Variants in CTNNA2 observed in about 807,000 individuals in gnomAD.
The protein encoded by CTNNA2 is catenin alpha 2.
In CTNNA2, 42 loss-of-function variants were observed where a neutral mutation model predicts 101.0. The observed-to-expected ratio is 0.42, with a 90% CI of 0.32 to 0.54. The LOEUF is 0.54. Among genes scored for constraint, CTNNA2 ranks in the 20% least tolerant of loss-of-function variants. The pLI is 0.14. For synonymous variants in CTNNA2, 450 were observed against 456.4 expected (o/e 0.99, Z 0.18); for missense variants, 871 against 1,223.1 (o/e 0.71, Z 4.29).
At chr2:79,215,430 C>G (rs1674242056) in intron 2 of CTNNA2, among the ~76,000 whole-genome samples, 1 of 152,130 alleles carries the variant, frequency 6.6e-6, no homozygotes, top group East Asian at 1.9e-4. Flanking sequence ...TTGGCTGCCT[C>G]TAGTCTATTA....
intron 7 of CTNNA2, among the ~76,000 whole-genome samples, chr2:80,054,191 A>G (rs11691720): frequency 0.24 from 36,157 of 151,932 alleles, 4,590 homozygotes; most frequent in Non-Finnish European, 0.27. Flanking sequence ...CTTGCTGGCT[A>G]TGTCCTAAGT....
At chr2:79,843,254 CT>C in intron 3 of CTNNA2, among the ~76,000 whole-genome samples, 1 of 152,302 alleles carries the variant, frequency 6.6e-6, no homozygotes, top group East Asian at 1.9e-4. Flanking sequence ...TGAAAGGATT[CT>C]TTAACTTGGA....
At chr2:79,982,358 C>CTATATAACA (rs70940066) in intron 7 of CTNNA2, among the ~76,000 whole-genome samples, 57,293 of 132,254 alleles carry the variant, frequency 0.43, 13,106 homozygotes, top group Non-Finnish European at 0.51. Flanking sequence ...CCTATATAAC[C>CTATATAACA]TATATAACAT....
chr2:79,666,617 G>C (rs1241610352), intron 2 of CTNNA2, among the ~76,000 whole-genome samples: 2 of 152,152 alleles, frequency 1.3e-5, no homozygotes, highest in Non-Finnish European at 2.9e-5. Flanking sequence ...TACGGATGGT[G>C]CTTGATAAGT....
intron 3 of CTNNA2, among the ~76,000 whole-genome samples, chr2:79,752,322 G>A (rs921578542): frequency 3.9e-5 from 6 of 152,198 alleles, no homozygotes. Flanking sequence ...GTTTCTTAAA[G>A]GAGATAGTGA....
At chr2:79,434,503 T>A (rs934574106) in intron 4 of CTNNA2, among the ~76,000 whole-genome samples, 9 of 152,176 alleles carry the variant, frequency 5.9e-5, no homozygotes, top group Non-Finnish European at 1.0e-4. Context: ...TTGATCAATA[T>A]TATTCCTAAT....
chr2:80,114,379 A>G (rs897972074), intron 7 of CTNNA2, among the ~76,000 whole-genome samples: 3 of 152,240 alleles, frequency 2.0e-5, no homozygotes, highest in Non-Finnish European at 4.4e-5. Context: ...TTAAAACATG[A>G]AAACACAGGT....
chr2:79,886,323 T>C (rs946592832), intron 6 of CTNNA2, among the ~76,000 whole-genome samples: 7 of 152,004 alleles, frequency 4.6e-5, no homozygotes, highest in Admixed American at 3.3e-4. Context: ...CATAAAGTGA[T>C]TATTTCTGGG....
In CTNNA2 at chr2:80,303,762, C is replaced by T. The variant is rs1341004953; in HGVS notation, c.1057-89449C>T. On this transcript the variant is annotated intron_variant, in intron 7 of 18. Transcript: ENST00000402739. This position sits in a 1 kb window ranked among gnomAD's most constrained non-coding sequence, Gnocchi z 7.7. ...CAGGCCCCCAGCAGACACAAGACCA[C>T]CCCCGAGGGCCTCCTCAGCAGCCAG... is the stretch of plus-strand genomic sequence containing the variant. 5 of 1,571,058 alleles carry T rather than the reference C, an allele frequency of 3.2e-6. No homozygotes were observed. The highest frequency in any genetic ancestry group is 4.3e-6 in the Non-Finnish European group (5 of 1,159,876).
At position 79,627,457 on chromosome 2, in the gene CTNNA2, C is replaced by A. The variant is rs537329510; in HGVS notation, c.-5-24095C>A. Among the ~76,000 whole-genome samples the A allele has an allele frequency of 8.8e-4, 134 of 152,312 alleles. 1 individual carries two copies. Among genetic ancestry groups the A allele is most frequent in the Non-Finnish European group, 1.6e-3 (112 of 68,026 alleles). ...GCAGAGTGCTGCCTGCTGCCTCCCCCTCATAGCAGATTTCCTGTCCTGCGT... is the reference window on the plus strand; with the variant it reads ...GCAGAGTGCTGCCTGCTGCCTCCCCATCATAGCAGATTTCCTGTCCTGCGT... On this transcript the variant is annotated intron_variant, in intron 1 of 18. Transcript: ENST00000402739.
intron 7 of CTNNA2, among the ~76,000 whole-genome samples, chr2:80,259,430 T>G (rs546970304): frequency 1.3e-5 from 2 of 152,264 alleles, no homozygotes; most frequent in East Asian, 3.9e-4. Context: ...CCCCTGATGA[T>G]GTACAGTACT....
intron 8 of CTNNA2, among the ~76,000 whole-genome samples, chr2:80,417,077 C>A (rs899238120): frequency 6.6e-6 from 1 of 151,670 alleles, no homozygotes; most frequent in Non-Finnish European, 1.5e-5. Context: ...TTGATAATTA[C>A]GGGTCAGTCT....
intron 7 of CTNNA2, among the ~76,000 whole-genome samples, chr2:80,219,953 C>G (rs2149052116): frequency 6.6e-6 from 1 of 152,026 alleles, no homozygotes; most frequent in Non-Finnish European, 1.5e-5. Flanking sequence ...TTATTCCTTC[C>G]CTCACAGTAC....
chr2:80,084,602 T>A (rs1251092366), intron 7 of CTNNA2, among the ~76,000 whole-genome samples: 2 of 152,082 alleles, frequency 1.3e-5, no homozygotes, highest in African/African-American at 4.8e-5. Flanking sequence ...ACTGACTTGA[T>A]TAATGAAAGC....
chr2:79,595,740 G>T lies in CTNNA2; in HGVS notation c.-5-55812G>T, dbSNP rs1417020138. ...GAGCTATTACAAGAATCTCTGAATG[G>T]GTTTTTTCCTTAATGTCACCTACTA... On this transcript the variant is annotated intron_variant, in intron 1 of 18. Transcript: ENST00000402739. Among the ~76,000 whole-genome samples, 6 of 151,766 alleles carry T rather than the reference G, an allele frequency of 4.0e-5. No homozygotes were observed. The South Asian group carries it at 1.3e-3, about 32-fold the overall frequency.
chr2:80,368,781 A>G lies in CTNNA2; in HGVS notation c.1057-24430A>G, dbSNP rs527796411. ...TAGGTTTGCCATTTTTAGCAAAAAA[A>G]AAAAGAAAAGAAAAGAAAAGAAAAT... is the stretch of plus-strand genomic sequence containing the variant. On this transcript the variant is annotated intron_variant, in intron 7 of 18. Transcript: ENST00000402739. Among the ~76,000 whole-genome samples, 10 of 151,362 alleles carry G rather than the reference A, an allele frequency of 6.6e-5. No individual in the cohort carries two copies. The South Asian group carries it at 1.2e-3, about 19-fold the overall frequency.
chr2:79,913,528 GC>G (rs1167498244), intron 7 of CTNNA2, among the ~76,000 whole-genome samples: 1 of 152,142 alleles, frequency 6.6e-6, no homozygotes, highest in Non-Finnish European at 1.5e-5. Flanking sequence ...AGTGAAAAAT[GC>G]CATGATTCAG....
At chr2:79,998,743 A>G (rs1692725320) in intron 7 of CTNNA2, among the ~76,000 whole-genome samples, 1 of 152,196 alleles carries the variant, frequency 6.6e-6, no homozygotes, top group Admixed American at 6.5e-5. Flanking sequence ...CTTTAAAAGT[A>G]TATATTAAAA....
intron 2 of CTNNA2, among the ~76,000 whole-genome samples, chr2:79,212,028 T>C (rs977408556): frequency 4.6e-5 from 7 of 152,148 alleles, no homozygotes; most frequent in Non-Finnish European, 8.8e-5. Flanking sequence ...TTGTATGAAT[T>C]GAAAAACTAA....
Sources: allele counts gnomAD v4.1 joint callset (sites outside exome capture counted in the v4.1 genomes callset), GRCh38; gene constraint gnomAD v4.1.1; non-coding constraint Gnocchi (gnomAD v3.1); transcripts MANE v1.5; gene names NCBI Gene and HGNC (gene_info 2026-07-23, HGNC 2026-07-21).